STK3: variants seen among roughly 807,000 people sequenced by gnomAD.
The protein encoded by STK3 is serine/threonine kinase 3.
In STK3, 41 loss-of-function variants were observed where a neutral mutation model predicts 58.0. The observed-to-expected ratio is 0.71, with a 90% confidence interval of 0.55 to 0.92. The LOEUF is 0.92. Among genes scored for constraint, STK3 ranks in the 40% least tolerant of loss-of-function variants. The pLI is 0.00. For missense variants in STK3, 479 were observed against 602.7 expected (o/e 0.79, Z 2.15); for synonymous variants, 170 against 191.0 (o/e 0.89, Z 0.91).
intron 1 of STK3, among the ~76,000 whole-genome samples, chr8:98,794,370 C>G (rs899341639): frequency 1.3e-5 from 2 of 152,036 alleles, no homozygotes; most frequent in Non-Finnish European, 2.9e-5. Context: ...ACAAAAGTTC[C>G]TTAGGGACAA....
At chr8:98,845,701 A>G (rs1836175692) in intron 3 of STK3, among the ~76,000 whole-genome samples, 1 of 152,242 alleles carries the variant, frequency 6.6e-6, no homozygotes. Context: ...CTAATGACAG[A>G]AAATCAACTT....
chr8:98,653,672 A>G (rs1367761984), intron 6 of STK3, among the ~76,000 whole-genome samples: 2 of 152,254 alleles, frequency 1.3e-5, no homozygotes, highest in African/African-American at 4.8e-5. Context: ...TCCCACAGAA[A>G]TACAAACTAC....
intron 7 of STK3, among the ~76,000 whole-genome samples, chr8:98,589,368 C>T (rs897426464): frequency 2.0e-5 from 3 of 152,224 alleles, no homozygotes; most frequent in Non-Finnish European, 4.4e-5. Flanking sequence ...TGTGAGGTGT[C>T]AGTGTGCCCC....
At chr8:98,717,740 G>A (rs562172050) in intron 4 of STK3, among the ~76,000 whole-genome samples, 1 of 152,246 alleles carries the variant, frequency 6.6e-6, no homozygotes, top group Non-Finnish European at 1.5e-5. Context: ...CACGATGAAC[G>A]TACACCCATG....
chr8:98,842,678 AAAAAC>A (rs1282816019), intron 3 of STK3, among the ~76,000 whole-genome samples: 1 of 152,108 alleles, frequency 6.6e-6, no homozygotes, highest in East Asian at 1.9e-4. Flanking sequence ...ATCCTGTCTC[AAAAAC>A]AAAACAAAAC....
Position 98,852,628 on chromosome 8 carries a change from A to G in STK3, c.110+31019T>C, listed in dbSNP as rs2922077. ...ACTCTCATCTTTTCCTTGAGATTTA[A>G]AAAAAAGCCAGAGGGTGGAAAAAAC... is the stretch of plus-strand genomic sequence containing the variant. On this transcript the variant is annotated intron_variant, in intron 3 of 12. Transcript: ENST00000523601. Among the ~76,000 whole-genome samples, 584 of 152,308 alleles carry G rather than the reference A, an allele frequency of 3.8e-3. 15 individuals are homozygous for G. The East Asian group carries it at 0.087, about 23-fold the overall frequency.
intron 3 of STK3, among the ~76,000 whole-genome samples, chr8:98,841,701 AAT>A (rs1835992366): frequency 4.7e-5 from 7 of 150,332 alleles, no homozygotes; most frequent in Middle Eastern, 3.4e-3. Context: ...AAAAAAAAAA[AAT>A]TTAAAAATGT....
chr8:98,380,361 C>T (rs1178879201), intron 1 of STK3, among the ~76,000 whole-genome samples: 2 of 152,086 alleles, frequency 1.3e-5, no homozygotes, highest in East Asian at 3.8e-4. Context: ...AATCTTATTA[C>T]CCAGAGATAA....
intron 3 of STK3, among the ~76,000 whole-genome samples, chr8:98,417,445 C>A (rs543929186): frequency 6.6e-6 from 1 of 152,008 alleles, no homozygotes; most frequent in Non-Finnish European, 1.5e-5. Context: ...ACCTGGGAGG[C>A]GGAGGTTGCA....
chr8:98,656,936 T>C (rs1039260568), intron 6 of STK3, among the ~76,000 whole-genome samples: 6 of 152,102 alleles, frequency 3.9e-5, no homozygotes, highest in Non-Finnish European at 7.4e-5. Context: ...GAAATACTGG[T>C]TGAGTCACTC....
At position 98,425,310 on chromosome 8, in the gene STK3, C is replaced by T. The variant is rs73273953; in HGVS notation, n.483+8817G>A. ...CAAGGATAACCAAGATCAGATTTTTCTCCGTCTCTCCCTCTCAGACACACA... is the reference window on the plus strand; with the variant it reads ...CAAGGATAACCAAGATCAGATTTTTTTCCGTCTCTCCCTCTCAGACACACA... On this transcript the variant is annotated intron_variant and non_coding_transcript_variant, in intron 3 of 3. Coordinates refer to the STK3 transcript ENST00000517832. Among the ~76,000 whole-genome samples, 948 of 132,450 alleles carry T rather than the reference C, an allele frequency of 7.2e-3. 11 individuals carry two copies. The highest frequency in any genetic ancestry group is 0.027 in the African/African-American group (909 of 33,772). The allele number at this position is 132,450 out of a possible 152,430, so 86.9% of individuals were successfully genotyped here.
chr8:98,655,912 G>A (rs1342331857), intron 6 of STK3, among the ~76,000 whole-genome samples: 1 of 152,204 alleles, frequency 6.6e-6, no homozygotes, highest in African/African-American at 2.4e-5. Context: ...TTCAACCATT[G>A]TGGAAGTCAG....
intron 3 of STK3, among the ~76,000 whole-genome samples, chr8:98,848,734 C>T (rs1836314698): frequency 6.6e-6 from 1 of 152,156 alleles, no homozygotes; most frequent in African/African-American, 2.4e-5. Flanking sequence ...ACTACATTTT[C>T]CTCAACCATT....
At chr8:98,869,452 G>C (rs940766914) in intron 3 of STK3, among the ~76,000 whole-genome samples, 12 of 151,980 alleles carry the variant, frequency 7.9e-5, no homozygotes, top group African/African-American at 2.9e-4. Flanking sequence ...AAATAATAAA[G>C]AATCTCTAGA....
intron 6 of STK3, among the ~76,000 whole-genome samples, chr8:98,648,599 T>G (rs1011544241): frequency 6.6e-6 from 1 of 152,150 alleles, no homozygotes; most frequent in Admixed American, 6.5e-5. Context: ...TTTGGATATA[T>G]GATGATATCT....
downstream of STK3, chr8:98,880,774 T>C (rs1407393625): frequency 6.6e-6 from 1 of 152,146 alleles, no homozygotes; most frequent in East Asian, 1.9e-4. Flanking sequence ...AACAAAAAAT[T>C]AGAAACTACT....
intron 8 of STK3, among the ~76,000 whole-genome samples, chr8:98,561,965 A>G (rs1438844132): frequency 6.6e-6 from 1 of 152,178 alleles, no homozygotes; most frequent in Non-Finnish European, 1.5e-5. Context: ...ATACCACTAA[A>G]CACCTTTTAG....
At chr8:98,651,921 CAGG>C (rs550243232) in intron 6 of STK3, among the ~76,000 whole-genome samples, 8,436 of 152,058 alleles carry the variant, frequency 0.055, 318 homozygotes, top group Non-Finnish European at 0.087. Context: ...GGATATTATC[CAGG>C]AGAACTTCCC....
chr8:98,477,407 A>G (rs1169769527), intron 10 of STK3, among the ~76,000 whole-genome samples: 2 of 152,026 alleles, frequency 1.3e-5, no homozygotes, highest in Non-Finnish European at 2.9e-5. Context: ...CACCTCACCT[A>G]CAACACATAC....
Sources: gnomAD v4.1 joint callset for allele counts (sites outside exome capture counted in the v4.1 genomes callset) on GRCh38, gnomAD v4.1.1 for gene constraint, MANE v1.5 for transcripts, NCBI Gene and HGNC (gene_info 2026-07-23, HGNC 2026-07-21) for gene names.